The following EIF4G3 variants were observed in gnomAD, a reference collection of about 807,000 sequenced individuals.
EIF4G3 encodes the protein eIF-4-gamma 3.
EIF4G3 carries 34 observed loss-of-function variants against 186.4 expected under a neutral mutation model. The ratio of observed to expected loss-of-function variants is 0.18; its 90% CI spans 0.14 to 0.24. The LOEUF is 0.24. Ranked by LOEUF, EIF4G3 falls within the 10% of genes least tolerant of loss-of-function variation. The probability of loss-of-function intolerance (pLI) is 1.00; values close to 1 mark genes in which losing one functional copy is unlikely to be tolerated. For synonymous variants in EIF4G3, 673 were observed against 679.5 expected (o/e 0.99, Z 0.15); for missense variants, 1,536 against 1,948.5 (o/e 0.79, Z 3.99).
At chr1:21,156,187 A>T (rs1229601706) in intron 2 of EIF4G3, among the ~76,000 whole-genome samples, 1 of 152,102 alleles carries the variant, frequency 6.6e-6, no homozygotes, top group African/African-American at 2.4e-5. Flanking sequence ...CTAGCTATCA[A>T]GGATTAAATG....
At chr1:21,109,542 TA>T (rs1447950632) in intron 2 of EIF4G3, among the ~76,000 whole-genome samples, 2 of 152,106 alleles carry the variant, frequency 1.3e-5, no homozygotes, top group African/African-American at 2.4e-5. Flanking sequence ...TAAATGAAAG[TA>T]AATAAGTAAA....
At chr1:21,044,670 C>T (rs1470402227) in intron 4 of EIF4G3, among the ~76,000 whole-genome samples, 1 of 142,830 alleles carries the variant, frequency 7.0e-6, no homozygotes, top group East Asian at 2.0e-4. Context: ...TCCTTTGAGA[C>T]AGGGTCTCAC....
chr1:20,964,838 T>C (rs2074257813), intron 12 of EIF4G3, among the ~76,000 whole-genome samples: 2 of 152,198 alleles, frequency 1.3e-5, no homozygotes, highest in African/African-American at 4.8e-5. Context: ...GTCCTGTAAG[T>C]AAGTTCACCC....
At chr1:21,052,171 T>G (rs2094258201) in intron 3 of EIF4G3, among the ~76,000 whole-genome samples, 1 of 152,236 alleles carries the variant, frequency 6.6e-6, no homozygotes, top group Non-Finnish European at 1.5e-5. Context: ...CTCCGTTTTT[T>G]GCAGGCAATA....
chr1:20,986,756 AAAAAAAAAAAAAAAAG>A (rs1323858907), intron 7 of EIF4G3, among the ~76,000 whole-genome samples: 6 of 122,820 alleles, frequency 4.9e-5, no homozygotes, highest in African/African-American at 1.6e-4. Context: ...AAAAAAAAAA[AAAAAAAAAAAAAAAAG>A]AAAACTTGAC....
intron 4 of EIF4G3, among the ~76,000 whole-genome samples, chr1:21,018,083 C>T (rs2089706148): frequency 6.6e-6 from 1 of 151,464 alleles, no homozygotes; most frequent in Non-Finnish European, 1.5e-5. Flanking sequence ...TGACTACAGG[C>T]ATGTGCCACC....
At chr1:21,030,864 G>A (rs1415336641) in intron 4 of EIF4G3, among the ~76,000 whole-genome samples, 1 of 151,284 alleles carries the variant, frequency 6.6e-6, no homozygotes, top group Admixed American at 6.6e-5. Flanking sequence ...TCTATATACA[G>A]TTGCTATTGG....
At chr1:21,127,375 G>T (rs763731085) in intron 2 of EIF4G3, among the ~76,000 whole-genome samples, 1 of 152,046 alleles carries the variant, frequency 6.6e-6, no homozygotes, top group Non-Finnish European at 1.5e-5. Flanking sequence ...ATGGGCCACC[G>T]CATCTGGCCT....
At chr1:21,115,593 TATA>T (rs1196973601) in intron 2 of EIF4G3, among the ~76,000 whole-genome samples, 2 of 152,174 alleles carry the variant, frequency 1.3e-5, no homozygotes, top group Non-Finnish European at 2.9e-5. Context: ...AATGTGTCTG[TATA>T]AGATTGTTTC....
At chr1:20,984,761 T>C (rs1252474907) in intron 7 of EIF4G3, among the ~76,000 whole-genome samples, 1 of 151,966 alleles carries the variant, frequency 6.6e-6, no homozygotes, top group East Asian at 1.9e-4. Flanking sequence ...AGCTAATTTT[T>C]GTATTTTTAG....
chr1:20,874,550 T>C (rs1457303737), intron 20 of EIF4G3, among the ~76,000 whole-genome samples: 3 of 152,210 alleles, frequency 2.0e-5, no homozygotes, highest in African/African-American at 7.2e-5. Flanking sequence ...ACTGCCCATA[T>C]TTTTATTAGG....
At chr1:21,108,015 G>C (rs184526261) in intron 2 of EIF4G3, among the ~76,000 whole-genome samples, 1 of 152,356 alleles carries the variant, frequency 6.6e-6, no homozygotes, top group East Asian at 1.9e-4. Flanking sequence ...AGGCGCAGTG[G>C]CGCACACCTG....
chr1:20,946,153 A>C (rs2095939682), intron 13 of EIF4G3, among the ~76,000 whole-genome samples: 2 of 152,170 alleles, frequency 1.3e-5, no homozygotes, highest in Admixed American at 6.5e-5. Flanking sequence ...GTACAGTCTC[A>C]CTTGACAAAG....
At chr1:21,002,876 T>C in intron 4 of EIF4G3, 68 bp from the exon 5 acceptor site, 1 of 928,586 alleles carries the variant, frequency 1.1e-6, no homozygotes, top group Non-Finnish European at 1.7e-6. Context: ...TAGTTCAAGA[T>C]GTTTTATAAA....
At chr1:20,922,914 A>G in intron 14 of EIF4G3, among the ~76,000 whole-genome samples, 1 of 152,170 alleles carries the variant, frequency 6.6e-6, no homozygotes. Context: ...TCAAAATTAA[A>G]CCCAAGGTTA....
At chr1:21,065,325 A>C (rs1432507718) in intron 3 of EIF4G3, among the ~76,000 whole-genome samples, 1 of 152,010 alleles carries the variant, frequency 6.6e-6, no homozygotes, top group African/African-American at 2.4e-5. Context: ...GAACATAAAC[A>C]GAAGGTAAAC....
intron 2 of EIF4G3, among the ~76,000 whole-genome samples, chr1:21,150,241 C>T (rs535591191): frequency 2.0e-5 from 3 of 152,278 alleles, no homozygotes; most frequent in African/African-American, 4.8e-5. Flanking sequence ...AAAGCCAGGA[C>T]GGCAAGGACA....
chr1:20,808,536 C>G (rs905423387), intron 36 of EIF4G3, among the ~76,000 whole-genome samples: 6 of 151,990 alleles, frequency 3.9e-5, no homozygotes. Context: ...AAAAAATTAG[C>G]CGGGCATGGT....
intron 2 of EIF4G3, among the ~76,000 whole-genome samples, chr1:21,141,902 T>C (rs2097346810): frequency 6.6e-6 from 1 of 150,974 alleles, no homozygotes; most frequent in South Asian, 2.1e-4. Context: ...CCACGCTCCA[T>C]CCAACCTGTG....
Sources: gnomAD v4.1 joint callset for allele counts (sites outside exome capture counted in the v4.1 genomes callset) on GRCh38, gnomAD v4.1.1 for gene constraint, MANE v1.5 for transcripts, NCBI Gene and HGNC (gene_info 2026-07-23, HGNC 2026-07-21) for gene names.